The following IL6ST variants were observed in gnomAD, a reference collection of about 807,000 sequenced individuals.
IL6ST encodes the protein interleukin-6 receptor subunit beta.
In IL6ST, 24 loss-of-function variants were observed where a neutral mutation model predicts 91.3. The ratio of observed to expected loss-of-function variants is 0.26; its 90% CI spans 0.19 to 0.37. The LOEUF (loss-of-function observed/expected upper bound fraction) is 0.37, where lower values mean the gene tolerates loss of function less well. Ranked by LOEUF, IL6ST falls within the 10% of genes least tolerant of loss-of-function variation. IL6ST has a pLI of 1.00. For missense variants in IL6ST, 914 were observed against 1,078.5 expected (o/e 0.85, Z 2.14); for synonymous variants, 351 against 373.6 (o/e 0.94, Z 0.70).
At chr5:55,949,167 T>C (rs958631042) in intron 14 of IL6ST, among the ~76,000 whole-genome samples, 1 of 152,162 alleles carries the variant, frequency 6.6e-6, no homozygotes, top group Non-Finnish European at 1.5e-5. Flanking sequence ...TTCCCTATAA[T>C]GAACACCTAT....
In IL6ST at chr5:55,938,105, T is replaced by TAAC; in HGVS notation, c.*2974_*2976dup. The TAAC allele has an allele frequency of 5.3e-6, 1 of 189,918 alleles. No individual in the cohort carries two copies. The highest frequency in any genetic ancestry group is 8.4e-5 in the East Asian group (1 of 11,864). 11.8% of individuals were successfully genotyped at this position (189,918 alleles called of 1,614,324 possible). ...AATATGAGCTTTAATGAATGTTTTG[T>TAAC]AACATTTTAAAGTTGTAACATTTCT... is the stretch of plus-strand genomic sequence containing the variant. On this transcript the variant is annotated 3_prime_UTR_variant, in exon 17 of 17. Coordinates refer to ENST00000381298, the MANE Select transcript of IL6ST (RefSeq NM_002184.4).
At chr5:55,986,747 A>G (rs1753993836) in intron 1 of IL6ST, among the ~76,000 whole-genome samples, 1 of 152,144 alleles carries the variant, frequency 6.6e-6, no homozygotes, top group Non-Finnish European at 1.5e-5. Flanking sequence ...TTTATAGTGT[A>G]CATCTTTAAC....
intron 16 of IL6ST, among the ~76,000 whole-genome samples, chr5:55,942,327 C>T (rs1355550045): frequency 6.6e-6 from 1 of 152,102 alleles, no homozygotes; most frequent in African/African-American, 2.4e-5. Context: ...AATACTCAAC[C>T]CAAAATGCTT....
rs2111678719 is a variant in IL6ST at position 55,952,075 on chromosome 5, G to A, written c.1553C>T (p.Pro518Leu). The change falls in exon 13 of 17, where the codon CCA becomes CTA. Residue 518 changes from proline (P) to leucine (L), a missense_variant and splice_region_variant. Coordinates refer to ENST00000381298, the MANE Select transcript of IL6ST (RefSeq NM_002184.4). Reference protein sequence around the residue: ...ESIKAYLKQAPPSKGPTVRTK... With the variant: ...ESIKAYLKQALPSKGPTVRTK... ...CCGAACAGTAGGTCCTTTGGAAGGT[G>A]CTGTAACAGAGTGAACACATTTGCT... The A allele has an allele frequency of 1.2e-6, 2 of 1,609,462 alleles. No homozygotes were observed. The highest frequency in any genetic ancestry group is 1.7e-6 in the Non-Finnish European group (2 of 1,178,790).
intron 14 of IL6ST, chr5:55,950,171 G>T: frequency 2.0e-6 from 1 of 492,976 alleles, no homozygotes; most frequent in East Asian, 5.8e-5. Context: ...AACGAGGGAG[G>T]GAAAATGTAT....
At chr5:55,955,598 A>G (rs1406808923) in intron 10 of IL6ST, among the ~76,000 whole-genome samples, 2 of 152,276 alleles carry the variant, frequency 1.3e-5, no homozygotes, top group African/African-American at 4.8e-5. Flanking sequence ...ATAATATTTT[A>G]AAAACCAGGT....
At chr5:55,991,774 C>T (rs566389998) in intron 1 of IL6ST, among the ~76,000 whole-genome samples, 18 of 152,044 alleles carry the variant, frequency 1.2e-4, no homozygotes, top group African/African-American at 4.1e-4. Flanking sequence ...TCCTCAGACT[C>T]CTCCCTCAAG....
Position 55,947,568 on chromosome 5 carries a change from A to G in IL6ST, c.1862T>C (p.Ile621Thr). Residue 621 changes from isoleucine to threonine, a missense_variant, in exon 15 of 17, where the codon ATA becomes ACA. Physicochemically the swap from Ile to Thr is moderately conservative, Grantham distance 89 (BLOSUM62 -1). Coordinates refer to ENST00000381298, the MANE Select transcript of IL6ST (RefSeq NM_002184.4). ...GAATGCTAAGCAAACAGGCACGACT[A>G]TGGCTTCAATTTCTCCTTGAGCTTA... is the stretch of plus-strand genomic sequence containing the variant. ...PKFAQGEIEA[I>T]VVPVCLAFLL... is the part of the protein sequence containing the mutation. 1.0e-6 allele frequency: 1 copy of G among 957,884 alleles called. No homozygotes were observed. The highest frequency in any genetic ancestry group is 1.6e-6 in the Non-Finnish European group (1 of 638,400). The allele number at this position is 957,884 out of a possible 1,614,324, so 59.3% of individuals were successfully genotyped here.
chr5:55,964,453 T>C, intron 5 of IL6ST, 141 bp from the exon 6 acceptor site: 1 of 538,238 alleles, frequency 1.9e-6, no homozygotes. Flanking sequence ...ACTAACAAAA[T>C]TTCTTAAAAA....
intron 2 of IL6ST, among the ~76,000 whole-genome samples, chr5:55,978,681 C>T (rs538796574): frequency 6.2e-4 from 95 of 152,328 alleles, no homozygotes; most frequent in African/African-American, 2.3e-3. Flanking sequence ...GCCGAGGTCA[C>T]ACCACTGCAC....
chr5:55,986,204 A>G (rs1212159877), intron 1 of IL6ST, among the ~76,000 whole-genome samples: 2 of 152,250 alleles, frequency 1.3e-5, no homozygotes, highest in Non-Finnish European at 2.9e-5. Flanking sequence ...TTGTTCAAAA[A>G]GGGATATTGA....
rs1161277926 is a variant in IL6ST at position 55,964,140 on chromosome 5, A to C, written c.658+6T>G. On this transcript the variant is annotated splice_donor_region_variant and intron_variant, in intron 6 of 16. Coordinates refer to ENST00000381298, the MANE Select transcript of IL6ST (RefSeq NM_002184.4). ...AATAAACTCTCAAATTCAGGTTTAT[A>C]ACTACCTTTATATACAGGATCAAAA... 6.6e-7 allele frequency: 1 copy of C among 1,526,656 alleles called. No individual in the cohort carries two copies. The highest frequency in any genetic ancestry group is 1.4e-5 in the African/African-American group (1 of 72,008). 94.6% of individuals were successfully genotyped at this position (1,526,656 alleles called of 1,614,324 possible).
At chr5:55,966,963 AAATC>A (rs1752667380) in intron 5 of IL6ST, among the ~76,000 whole-genome samples, 1 of 152,080 alleles carries the variant, frequency 6.6e-6, no homozygotes, top group African/African-American at 2.4e-5. Context: ...GAAAAAAAAA[AAATC>A]AAACCCAAAT....
intron 3 of IL6ST, 57 bp from the exon 4 acceptor site, chr5:55,969,912 A>G (rs1024953423): frequency 7.7e-6 from 9 of 1,167,542 alleles, no homozygotes; most frequent in Middle Eastern, 2.2e-4. Flanking sequence ...GTACAAAATG[A>G]TATCTAGCTG....
At chr5:55,947,385 T>C (rs1751332310) in intron 15 of IL6ST, 108 bp downstream of exon 15, 2 of 687,360 alleles carry the variant, frequency 2.9e-6, no homozygotes, top group East Asian at 5.4e-5. Flanking sequence ...TGTATGTAAT[T>C]ACAAAAATTC....
chr5:55,941,594 A>G lies in IL6ST; in HGVS notation c.2245T>C (p.Ser749Pro), dbSNP rs746583730. 4.3e-6 allele frequency: 7 copies of G among 1,614,076 alleles called. No homozygotes were observed. Among genetic ancestry groups the G allele is most frequent in the Non-Finnish European group, 5.9e-6 (7 of 1,180,022 alleles). ...PSISSSDENE[S>P]SQNTSSTVQY... ...ACAGTGCTCGAAGTGTTTTGTGAAGATTCATTTTCATCACTGCTAGAAATG... is the reference window on the plus strand; with the variant it reads ...ACAGTGCTCGAAGTGTTTTGTGAAGGTTCATTTTCATCACTGCTAGAAATG... The change falls in exon 17 of 17, where the codon TCT becomes CCT. Residue 749 changes from serine (S) to proline (P), a missense_variant. Ser to Pro is a moderately conservative substitution (Grantham distance 74). Transcript: ENST00000381298.
chr5:55,965,505 A>G (rs1752578100), intron 5 of IL6ST, among the ~76,000 whole-genome samples: 1 of 152,194 alleles, frequency 6.6e-6, no homozygotes, highest in South Asian at 2.1e-4. Context: ...AAAAAATCTA[A>G]AAACTATGAC....
intron 2 of IL6ST, among the ~76,000 whole-genome samples, chr5:55,980,292 G>A (rs1201015704): frequency 2.6e-5 from 4 of 152,232 alleles, no homozygotes; most frequent in Non-Finnish European, 5.9e-5. Flanking sequence ...GCTCACGCCT[G>A]TAATCCCAGC....
At chr5:55,968,119 G>A (rs1186161500) in intron 5 of IL6ST, among the ~76,000 whole-genome samples, 157 bp downstream of exon 5, 2 of 152,056 alleles carry the variant, frequency 1.3e-5, no homozygotes, top group Non-Finnish European at 2.9e-5. Context: ...GAGCCACCGC[G>A]CCTGGCCTCT....
Sources: allele counts gnomAD v4.1 joint callset (sites outside exome capture counted in the v4.1 genomes callset), GRCh38; gene constraint gnomAD v4.1.1; transcripts MANE v1.5; gene names NCBI Gene and HGNC (gene_info 2026-07-23, HGNC 2026-07-21).